The following RRM1 variants were observed in gnomAD, a reference collection of about 807,000 sequenced individuals.
The protein encoded by RRM1 is ribonucleoside-diphosphate reductase large subunit.
Under a neutral mutation model 101.5 loss-of-function variants are expected in RRM1, and 19 were observed. The ratio of observed to expected loss-of-function variants is 0.19; its 90% CI spans 0.13 to 0.27. The LOEUF is 0.27. Among genes scored for constraint, RRM1 ranks in the 10% least tolerant of loss-of-function variants. The probability of loss-of-function intolerance (pLI) is 1.00; values close to 1 mark genes in which losing one functional copy is unlikely to be tolerated. For synonymous variants in RRM1, 298 were observed against 323.4 expected (o/e 0.92, Z 0.84); for missense variants, 500 against 962.9 (o/e 0.52, Z 6.36).
chr11:4,111,226 C>G (rs191495671), intron 5 of RRM1, among the ~76,000 whole-genome samples: 164 of 151,354 alleles, frequency 1.1e-3, no homozygotes, highest in African/African-American at 3.8e-3. Flanking sequence ...GCTAACATGA[C>G]GAAACCCTGT....
chr11:4,131,923 G>A (rs2094601238), intron 15 of RRM1, among the ~76,000 whole-genome samples: 1 of 152,200 alleles, frequency 6.6e-6, no homozygotes, highest in Middle Eastern at 3.4e-3. Context: ...GGTGGGGAGC[G>A]CTTCAACAGT....
At chr11:4,095,288 A>C (rs1193404447) in intron 1 of RRM1, among the ~76,000 whole-genome samples, 3 of 152,244 alleles carry the variant, frequency 2.0e-5, no homozygotes, top group African/African-American at 7.2e-5. Flanking sequence ...CTTACCCCGT[A>C]TCGAGTAGTG....
intron 18 of RRM1, among the ~76,000 whole-genome samples, 173 bp downstream of exon 18, chr11:4,135,443 G>A (rs1433822802): frequency 6.6e-6 from 1 of 152,130 alleles, no homozygotes; most frequent in African/African-American, 2.4e-5. Flanking sequence ...GTCTTGCCTT[G>A]GATTTTCTTG....
chr11:4,124,030 G>C (rs2094585792), intron 12 of RRM1, among the ~76,000 whole-genome samples: 1 of 152,136 alleles, frequency 6.6e-6, no homozygotes. Flanking sequence ...ATACACCAGA[G>C]ACAGGGCTGG....
intron 13 of RRM1, 21 bp from the exon 14 acceptor site, chr11:4,127,014 T>A: frequency 6.3e-7 from 1 of 1,587,678 alleles, no homozygotes; most frequent in South Asian, 1.2e-5. Flanking sequence ...CTCCTTTTCT[T>A]TAAAATCTGT....
chr11:4,111,738 A>C (rs2133297153), intron 6 of RRM1, 98 bp downstream of exon 6: 1 of 1,271,172 alleles, frequency 7.9e-7, no homozygotes, highest in African/African-American at 1.5e-5. Context: ...TAGACTCTAG[A>C]TAACATTTTG....
At chr11:4,106,848 A>G (rs1303008422) in intron 3 of RRM1, among the ~76,000 whole-genome samples, 2 of 152,216 alleles carry the variant, frequency 1.3e-5, no homozygotes, top group Non-Finnish European at 2.9e-5. Flanking sequence ...TGCTGCATAA[A>G]AAGGTTGATG....
In RRM1 at chr11:4,127,094, T is replaced by C. The variant is rs772027016; in HGVS notation, c.1530T>C (p.Asp510=). ...PIGIGVQGLA[D]AFILMRYPFE... ...GAATTGGGGTACAAGGTCTGGCAGA[T>C]GCTTTTATCCTGATGAGATACCCTT... Residue 510 remains aspartate (D), a synonymous_variant, in exon 14 of 19, where the codon GAT becomes GAC. Transcript: ENST00000300738. 23 of 1,614,014 alleles carry C rather than the reference T, an allele frequency of 1.4e-5. No individual in the cohort carries two copies. The highest frequency in any genetic ancestry group is 2.2e-5 in the South Asian group (2 of 91,070).
rs1239283889 is a variant in RRM1, at chr11:4,107,501, A to G, written c.353A>G (p.Lys118Arg). 3.1e-6 allele frequency: 5 copies of G among 1,613,518 alleles called. No homozygotes were observed. In the Admixed American group the frequency reaches 8.3e-5, roughly 27 times the overall value. ...HNGKHSPMVA[K>R]STLDIVLANK... ...GGCAAACACTCTCCCATGGTGGCCA[A>G]GTCAACATTGGATATTGTTCTGGCC... is the stretch of plus-strand genomic sequence containing the variant. Residue 118 changes from lysine to arginine, a missense_variant, in exon 4 of 19, where the codon AAG becomes AGG. Transcript: ENST00000300738.
At chr11:4,136,511 T>C (rs955378735) in intron 18 of RRM1, among the ~76,000 whole-genome samples, 1 of 152,096 alleles carries the variant, frequency 6.6e-6, no homozygotes, top group Non-Finnish European at 1.5e-5. Flanking sequence ...TGAGCCACTG[T>C]GCCTGGCCAG....
upstream of RRM1, chr11:4,094,791 C>T (rs2094540552): frequency 1.7e-6 from 1 of 594,266 alleles, no homozygotes; most frequent in Non-Finnish European, 3.0e-6. Context: ...ATTCGAACCC[C>T]GTCGCGCCCC....
chr11:4,107,299 C>T, intron 3 of RRM1, 136 bp from the exon 4 acceptor site: 1 of 610,492 alleles, frequency 1.6e-6, no homozygotes, highest in Non-Finnish European at 2.9e-6. Flanking sequence ...GTTTATTGAG[C>T]ACTTTATATG....
chr11:4,134,440 A>G (rs981888468), intron 17 of RRM1, among the ~76,000 whole-genome samples: 1 of 152,210 alleles, frequency 6.6e-6, no homozygotes, highest in Non-Finnish European at 1.5e-5. Flanking sequence ...AATATTTGCA[A>G]CTAAGAGTCA....
chr11:4,127,155 A>G lies in RRM1; in HGVS notation c.1591A>G (p.Ile531Val). ...AGAAGCCCAGTTACTGAATAAGCAG[A>G]TCTTTGAAACTATTTATTATGGTGC... Reference protein sequence around the residue: ...SAEAQLLNKQIFETIYYGALE... With the variant: ...SAEAQLLNKQVFETIYYGALE... Residue 531 changes from isoleucine to valine, a missense_variant, in exon 14 of 19, where the codon ATC (isoleucine) becomes GTC (valine). By Grantham distance (29) the Ile-to-Val change is conservative. This residue lies in a region of RRM1 where 106 missense variants were observed against 138.1 expected (regional missense o/e 0.77). Coordinates refer to ENST00000300738, the MANE Select transcript of RRM1 (RefSeq NM_001033.5). 6.2e-7 allele frequency: 1 copy of G among 1,614,110 alleles called. No homozygotes were observed. Among genetic ancestry groups the G allele is most frequent in the Non-Finnish European group, 8.5e-7 (1 of 1,179,986 alleles).
intron 7 of RRM1, 82 bp from the exon 8 acceptor site, chr11:4,118,236 CCT>C: frequency 9.3e-7 from 1 of 1,079,238 alleles, no homozygotes; most frequent in Non-Finnish European, 1.3e-6. Context: ...TTTTTTTTTG[CCT>C]TAGTGTCTTT....
intron 18 of RRM1, among the ~76,000 whole-genome samples, chr11:4,137,917 C>G (rs2981562): frequency 8.6e-6 from 1 of 115,804 alleles, no homozygotes; most frequent in Non-Finnish European, 1.9e-5. Context: ...CCACCTCCCT[C>G]CCGGATGGGG....
intron 14 of RRM1, among the ~76,000 whole-genome samples, chr11:4,128,821 A>G (rs1312439026): frequency 1.3e-5 from 2 of 152,180 alleles, no homozygotes; most frequent in Non-Finnish European, 2.9e-5. Context: ...ACACCCTTTT[A>G]TGAATGTTAG....
At chr11:4,120,212 CCT>C (rs1324179528) in intron 9 of RRM1, among the ~76,000 whole-genome samples, 4 of 152,138 alleles carry the variant, frequency 2.6e-5, no homozygotes, top group Non-Finnish European at 1.5e-5. Context: ...TTCAGTCACC[CCT>C]GTCACCCCTA....
chr11:4,129,241 C>A, intron 15 of RRM1, 91 bp downstream of exon 15: 2 of 726,226 alleles, frequency 2.8e-6, no homozygotes, highest in South Asian at 1.9e-5. Context: ...ATTTTAACTT[C>A]TTAAACTCAT....
Sources: allele counts gnomAD v4.1 joint callset (sites outside exome capture counted in the v4.1 genomes callset), GRCh38; gene constraint gnomAD v4.1.1; regional missense constraint gnomAD v4.1.1; transcripts MANE v1.5; gene names NCBI Gene and HGNC (gene_info 2026-07-23, HGNC 2026-07-21).